The following DAB2IP variants were observed in gnomAD, a reference collection of about 807,000 sequenced individuals.
DAB2IP encodes disabled homolog 2-interacting protein.
Under a neutral mutation model 107.2 loss-of-function variants are expected in DAB2IP, and 28 were observed. The ratio of observed to expected loss-of-function variants is 0.26; its 90% CI spans 0.19 to 0.36. DAB2IP has a LOEUF of 0.36. DAB2IP is among the 10% of genes least tolerant of loss of function. DAB2IP has a pLI of 1.00. For missense variants in DAB2IP, 1,400 were observed against 1,644.7 expected (o/e 0.85, Z 2.57); for synonymous variants, 755 against 706.4 (o/e 1.07, Z -1.09).
intron 3 of DAB2IP, among the ~76,000 whole-genome samples, chr9:121,717,732 G>A (rs924757138): frequency 6.6e-6 from 1 of 152,176 alleles, no homozygotes; most frequent in African/African-American, 2.4e-5. Context: ...CTGCCTTCCT[G>A]GGAGCATTCT....
chr9:121,569,986 G>A (rs568723277), intron 1 of DAB2IP, among the ~76,000 whole-genome samples: 1 of 152,082 alleles, frequency 6.6e-6, no homozygotes, highest in Non-Finnish European at 1.5e-5. Flanking sequence ...GTGGAGATGG[G>A]GTCTTGCTGT....
At position 121,772,805 on chromosome 9, in the gene DAB2IP, G is replaced by A; in HGVS notation, c.2277G>A (p.Gly759=). The A allele has an allele frequency of 6.2e-7, 1 of 1,611,710 alleles. No homozygotes were observed. The highest frequency in any genetic ancestry group is 1.1e-5 in the South Asian group (1 of 90,928). Residue 759 remains glycine, a synonymous_variant, in exon 12 of 16, where the codon GGG becomes GGA. Coordinates refer to ENST00000408936, the Ensembl canonical transcript of DAB2IP. This position sits in a 1 kb window ranked among gnomAD's most constrained non-coding sequence, Gnocchi z 4.7. ...TCCAGGACGCCCGCACGCTGGATGG[G>A]GAGGCAGGCTCCCCGGCGGGCCCCG...
intron 3 of DAB2IP, among the ~76,000 whole-genome samples, chr9:121,742,171 T>TA (rs1832399864): frequency 6.6e-6 from 1 of 152,172 alleles, no homozygotes; most frequent in South Asian, 2.1e-4. Flanking sequence ...CTCATGCCTA[T>TA]AATCCCAGCA....
At chr9:121,768,037 T>G (rs1352097558) in intron 9 of DAB2IP, among the ~76,000 whole-genome samples, 1 of 151,768 alleles carries the variant, frequency 6.6e-6, no homozygotes, top group South Asian at 2.1e-4. Flanking sequence ...GCAGGCTGAG[T>G]AGGAGGGACT....
intron 1 of DAB2IP, among the ~76,000 whole-genome samples, chr9:121,610,817 G>A (rs973907726): frequency 2.0e-5 from 3 of 152,078 alleles, no homozygotes; most frequent in South Asian, 2.1e-4. Flanking sequence ...ATGGTTTCAC[G>A]GACCGCCAGT....
intron 3 of DAB2IP, among the ~76,000 whole-genome samples, chr9:121,707,648 A>G (rs1830126940): frequency 6.6e-6 from 1 of 152,220 alleles, no homozygotes; most frequent in South Asian, 2.1e-4. Context: ...CGACGTTGTC[A>G]TGGGAAGTTT....
chr9:121,778,983 C>T (rs1029268474), intron 14 of DAB2IP, among the ~76,000 whole-genome samples: 3 of 152,144 alleles, frequency 2.0e-5, no homozygotes, highest in Non-Finnish European at 2.9e-5. Flanking sequence ...GTCCCACCTC[C>T]CCCCATTTCT....
intron 3 of DAB2IP, among the ~76,000 whole-genome samples, chr9:121,738,542 A>G (rs1832094005): frequency 6.6e-6 from 1 of 152,092 alleles, no homozygotes; most frequent in African/African-American, 2.4e-5. Flanking sequence ...GTTCAGATCT[A>G]GCCTCTTCAA....
intron 1 of DAB2IP, among the ~76,000 whole-genome samples, chr9:121,605,062 C>G (rs768398555): frequency 2.0e-5 from 3 of 152,228 alleles, no homozygotes; most frequent in African/African-American, 4.8e-5. Flanking sequence ...TTCTGTCGCC[C>G]AGGCTGGAGT....
intron 1 of DAB2IP, among the ~76,000 whole-genome samples, chr9:121,669,221 C>T (rs1417880486): frequency 4.6e-5 from 7 of 152,034 alleles, no homozygotes; most frequent in Non-Finnish European, 1.0e-4. Context: ...CGTGAGCTAC[C>T]GCGCCCAGCC....
intron 2 of DAB2IP, among the ~76,000 whole-genome samples, chr9:121,679,446 AC>A (rs1828463812): frequency 6.6e-6 from 1 of 151,454 alleles, no homozygotes; most frequent in Non-Finnish European, 1.5e-5. Flanking sequence ...ACACACACAC[AC>A]ACACACCAGA....
chr9:121,779,751 T>C (rs1835460121), intron 14 of DAB2IP, among the ~76,000 whole-genome samples: 1 of 152,240 alleles, frequency 6.6e-6, no homozygotes, highest in Admixed American at 6.5e-5. Flanking sequence ...GGTTCTTGCC[T>C]AGCCTGGTAA....
chr9:121,763,143 G>A (rs1316596487), intron 6 of DAB2IP, among the ~76,000 whole-genome samples: 2 of 152,200 alleles, frequency 1.3e-5, no homozygotes, highest in African/African-American at 4.8e-5. Context: ...GCGGGGAGAG[G>A]CGAGTCCTGC....
intron 1 of DAB2IP, among the ~76,000 whole-genome samples, chr9:121,643,769 G>A (rs1201755074): frequency 1.3e-5 from 2 of 150,098 alleles, no homozygotes; most frequent in Non-Finnish European, 3.0e-5. Context: ...TTTTTCGAAT[G>A]TTGCCATCAT....
intron 3 of DAB2IP, among the ~76,000 whole-genome samples, chr9:121,740,123 C>T (rs1475662297): frequency 6.6e-6 from 1 of 152,118 alleles, no homozygotes; most frequent in Non-Finnish European, 1.5e-5. Context: ...TGCGTGAGGA[C>T]CCAGCTGGCC....
intron 10 of DAB2IP, among the ~76,000 whole-genome samples, chr9:121,769,949 CTG>C (rs1834581304): frequency 6.6e-6 from 1 of 152,252 alleles, no homozygotes. Flanking sequence ...ACAGAGACCT[CTG>C]TGGAAGCTTG....
intron 2 of DAB2IP, among the ~76,000 whole-genome samples, chr9:121,695,092 G>A (rs574059539): frequency 1.7e-4 from 26 of 152,196 alleles, no homozygotes; most frequent in African/African-American, 4.1e-4. Flanking sequence ...TGCCTGCCCC[G>A]TGCACTTTGG....
chr9:121,693,715 A>G (rs935510756), intron 2 of DAB2IP, among the ~76,000 whole-genome samples: 3 of 152,238 alleles, frequency 2.0e-5, no homozygotes, highest in Non-Finnish European at 2.9e-5. Flanking sequence ...GCCCATCTGC[A>G]GCAGCCCAGG....
intron 6 of DAB2IP, among the ~76,000 whole-genome samples, chr9:121,761,928 G>T (rs13295980): frequency 1.3e-5 from 2 of 152,136 alleles, no homozygotes; most frequent in Non-Finnish European, 2.9e-5. Context: ...GCTGGGGCTG[G>T]CCTGGGAAGC....
Sources: gnomAD v4.1 joint callset for allele counts (sites outside exome capture counted in the v4.1 genomes callset) on GRCh38, gnomAD v4.1.1 for gene constraint, Gnocchi (gnomAD v3.1) non-coding constraint, MANE v1.5 for transcripts, NCBI Gene and HGNC (gene_info 2026-07-23, HGNC 2026-07-21) for gene names.